The following NEB variants were observed in gnomAD, a reference collection of about 807,000 sequenced individuals.
The protein encoded by NEB is nebulin, also known as nemaline myopathy type 2.
NEB carries 512 observed loss-of-function variants against 952.2 expected under a neutral mutation model. The ratio of observed to expected loss-of-function variants is 0.54; its 90% CI spans 0.50 to 0.58. NEB has a LOEUF of 0.58. Ranked by LOEUF, NEB falls within the 20% of genes least tolerant of loss-of-function variation. The pLI, the probability that NEB is intolerant of heterozygous loss-of-function variation, is 0.00. For synonymous variants in NEB, 2,900 were observed against 3,149.8 expected, an observed-to-expected ratio of 0.92 and a Z score of 2.66; for missense variants, 8,428 against 9,231.1, an observed-to-expected ratio of 0.91 and a Z score of 3.56.
chr2:151,706,389 C>T (rs908905894), intron 13 of NEB, among the ~76,000 whole-genome samples: 6 of 152,168 alleles, frequency 3.9e-5, no homozygotes, highest in African/African-American at 1.2e-4. Flanking sequence ...AGCCCAGTCT[C>T]GTTTGCCTAA....
chr2:151,509,005 T>C (rs2071676924), intron 161 of NEB, among the ~76,000 whole-genome samples: 1 of 152,234 alleles, frequency 6.6e-6, no homozygotes, highest in African/African-American at 2.4e-5. Context: ...TTTTTCCCAC[T>C]CTTCAGGGAA....
At chr2:151,665,280 T>C in intron 42 of NEB, 53 bp downstream of exon 42, 2 of 1,537,490 alleles carry the variant, frequency 1.3e-6, no homozygotes, top group Non-Finnish European at 1.8e-6. Context: ...CCAGGCTCAA[T>C]GTCATGAACA....
rs1559476748 is a variant in NEB at position 151,519,041 on chromosome 2, A to G, written c.22619T>C (p.Leu7540Pro). The G allele has an allele frequency of 6.2e-7, 1 of 1,613,430 alleles. No individual in the cohort carries two copies. ...CTTCATGTCAGTCACGGGTTTGTGA[A>G]GTTTCTTCAGGTCAGCCTTGTATTT... ...EVKYKADLKK[L>P]HKPVTDMKES... Residue 7540 changes from leucine (L) to proline (P), a missense_variant, in exon 155 of 182, where the codon CTT becomes CCT. Around this residue, in one of 11 missense-constraint regions of NEB, gnomAD observed 3,374 missense variants for 3,651.5 expected, o/e 0.92. Coordinates refer to ENST00000397345, the MANE Select transcript of NEB (RefSeq NM_001164508.2).
Position 151,502,881 on chromosome 2 carries a change from A to C in NEB, c.23840T>G (p.Leu7947Trp), listed in dbSNP as rs200559481. 5.0e-5 allele frequency: 79 copies of C among 1,581,982 alleles called. No individual in the cohort carries two copies. Among genetic ancestry groups the C allele is most frequent in the Middle Eastern group, 1.7e-4 (1 of 5,994 alleles). Residue 7947 changes from leucine to tryptophan, a missense_variant, in exon 167 of 182, where the codon TTG becomes TGG. Around this residue, in one of 11 missense-constraint regions of NEB, gnomAD observed 3,374 missense variants for 3,651.5 expected, o/e 0.92. Coordinates refer to ENST00000397345, the MANE Select transcript of NEB (RefSeq NM_001164508.2). Reference protein sequence around the residue: ...KRNQENFSSVLYKENLGKGIP... With the variant: ...KRNQENFSSVWYKENLGKGIP... Reference sequence around the variant, plus strand: ...TCCTTTCCCCAAATTTTCTTTGTACAAAACCTGTGAGATACAAGAAAGTAC... The same window carrying C: ...TCCTTTCCCCAAATTTTCTTTGTACCAAACCTGTGAGATACAAGAAAGTAC...
At chr2:151,503,608 C>T (rs1308004510) in intron 165 of NEB, among the ~76,000 whole-genome samples, 167 bp from the exon 166 acceptor site, 1 of 101,050 alleles carries the variant, frequency 9.9e-6, no homozygotes, top group Non-Finnish European at 2.2e-5. Context: ...GTTGTCTTTT[C>T]CAAAATAGTA....
Position 151,531,064 on chromosome 2 carries a change from C to T in NEB, c.21560G>A (p.Arg7187Lys). 1.2e-6 allele frequency: 2 copies of T among 1,613,432 alleles called. No homozygotes were observed. Among genetic ancestry groups the T allele is most frequent in the Non-Finnish European group, 1.7e-6 (2 of 1,179,644 alleles). ...TGTGTCGTGGATTGTGGTGTAGCCT[C>T]TGGGTTTGGCCTTGTTGTATTCCAA... The part of the protein sequence containing the change: ...YKLEYNKAKP[R>K]GYTTIHDTPM... The change falls in exon 145 of 182, where the codon AGA (arginine) becomes AAA (lysine). Residue 7187 changes from arginine (R) to lysine (K), a missense_variant. This residue lies in a region of NEB where 3,374 missense variants were observed against 3,651.5 expected (regional missense o/e 0.92). Coordinates refer to ENST00000397345, the MANE Select transcript of NEB (RefSeq NM_001164508.2).
chr2:151,558,066 A>G (rs190160163), intron 124 of NEB, among the ~76,000 whole-genome samples: 4 of 152,334 alleles, frequency 2.6e-5, no homozygotes, highest in Admixed American at 2.6e-4. Flanking sequence ...TTAGGAAAAG[A>G]GGAAGTCAAA....
chr2:151,687,010 A>T (rs2148928110), intron 27 of NEB, among the ~76,000 whole-genome samples: 1 of 152,284 alleles, frequency 6.6e-6, no homozygotes, highest in South Asian at 2.1e-4. Flanking sequence ...TACTAAAGTC[A>T]ATGAAGAACG....
chr2:151,531,296 CTTTTTTTCTTTCTT>C (rs1344129225), intron 144 of NEB, among the ~76,000 whole-genome samples, 195 bp from the exon 145 acceptor site: 9 of 141,922 alleles, frequency 6.3e-5, no homozygotes, highest in Non-Finnish European at 1.1e-4. Flanking sequence ...CAACAACTCT[CTTTTTTTCTTTCTT>C]TTTTTTTTTT....
chr2:151,565,758 C>G lies in NEB; in HGVS notation c.18219G>C (p.Val6073=). Reference sequence around the variant, plus strand: ...GGTTCTTAGTAACCCTTACATGGTCCACAGAATCCAGTGGGATCCAGCCAA... The same window carrying G: ...GGTTCTTAGTAACCCTTACATGGTCGACAGAATCCAGTGGGATCCAGCCAA... ...RGIGWIPLDS[V]DHVRVTKNQE... is the part of the protein sequence containing the mutation. The change falls in exon 115 of 182, where the codon GTG becomes GTC. Residue 6073 remains valine, a synonymous_variant. Coordinates refer to ENST00000397345, the MANE Select transcript of NEB (RefSeq NM_001164508.2). The G allele has an allele frequency of 6.2e-7, 1 of 1,612,548 alleles. No homozygotes were observed. Among genetic ancestry groups the G allele is most frequent in the Non-Finnish European group, 8.5e-7 (1 of 1,179,322 alleles).
chr2:151,488,176 C>A (rs2052682037), intron 181 of NEB, among the ~76,000 whole-genome samples: 1 of 151,922 alleles, frequency 6.6e-6, no homozygotes, highest in South Asian at 2.1e-4. Context: ...TTTTAGAGTT[C>A]TTTATTCTTT....
Position 151,616,000 on chromosome 2 carries a change from A to C in NEB, c.11289+2T>G. On this transcript the variant is annotated splice_donor_variant, in intron 76 of 181. Transcript: ENST00000397345. LOFTEE classifies it high-confidence loss of function. ...AATGGCTTTTCCAAAACATCCACTT[A>C]CATCACTAGCAATATCTCTTGAAGC... 1 of 1,604,494 alleles carries C rather than the reference A, an allele frequency of 6.2e-7. No individual in the cohort carries two copies. Among genetic ancestry groups the C allele is most frequent in the East Asian group, 2.2e-5 (1 of 44,690 alleles).
At chr2:151,648,919 C>T (rs922105639) in intron 54 of NEB, among the ~76,000 whole-genome samples, 6 of 152,220 alleles carry the variant, frequency 3.9e-5, no homozygotes, top group East Asian at 1.9e-4. Context: ...CCAGCTGGCC[C>T]GGGTTTTGTG....
chr2:151,492,399 C>T lies in NEB; in HGVS notation c.24861G>A (p.Arg8287=). ...PEMRRVRETQ[R]HISTVKYHED... ...ATTCCTGACTCACCGTTGAGATGTG[C>T]CGTTGGGTCTCCCTCACCCGTCTCA... Residue 8287 remains arginine (R), a synonymous_variant, in exon 177 of 182, where the codon CGG becomes CGA. Coordinates refer to ENST00000397345, the MANE Select transcript of NEB (RefSeq NM_001164508.2). The T allele has an allele frequency of 6.2e-7, 1 of 1,604,272 alleles. No homozygotes were observed. Among genetic ancestry groups the T allele is most frequent in the Middle Eastern group, 1.7e-4 (1 of 5,970 alleles).
At chr2:151,636,883 C>T (rs2098772403) in intron 63 of NEB, among the ~76,000 whole-genome samples, 1 of 151,832 alleles carries the variant, frequency 6.6e-6, no homozygotes, top group Non-Finnish European at 1.5e-5. Flanking sequence ...ATACATATTA[C>T]AGGTTGTTTT....
At position 151,497,652 on chromosome 2, in the gene NEB, T is replaced by C; in HGVS notation, c.24274A>G (p.Lys8092Glu). 1.3e-6 allele frequency: 2 copies of C among 1,582,732 alleles called. No homozygotes were observed. Among genetic ancestry groups the C allele is most frequent in the Non-Finnish European group, 1.7e-6 (2 of 1,161,918 alleles). ...GAGCTAATATTTTCTTGATTGTGTT[T>C]GACTCTTTCCATCTCGGGAGTGACA... ...LPVTPEMERV[K>E]HNQENISSVL... is the part of the protein sequence containing the mutation. The change falls in exon 171 of 182, where the codon AAA becomes GAA. Residue 8092 changes from lysine to glutamate, a missense_variant. Physicochemically the swap from Lys to Glu is moderately conservative, Grantham distance 56. Transcript: ENST00000397345.
chr2:151,504,645 G>T (rs568043024), intron 165 of NEB, among the ~76,000 whole-genome samples: 30 of 152,244 alleles, frequency 2.0e-4, no homozygotes, highest in Middle Eastern at 3.4e-3. Flanking sequence ...CAAGACCAAG[G>T]TCCTCCCCTT....
intron 178 of NEB, 25 bp from the exon 179 acceptor site, chr2:151,491,800 AC>A: frequency 6.5e-7 from 1 of 1,534,970 alleles, no homozygotes; most frequent in African/African-American, 1.4e-5. Flanking sequence ...AGTGATCAGA[AC>A]AAGTGTTCTT....
chr2:151,534,148 G>T, intron 142 of NEB: 2 of 1,137,186 alleles, frequency 1.8e-6, no homozygotes, highest in Non-Finnish European at 1.3e-6. Context: ...CAGCAGACGG[G>T]ATGACATCTC....
Sources: allele counts gnomAD v4.1 joint callset (sites outside exome capture counted in the v4.1 genomes callset), GRCh38; gene constraint gnomAD v4.1.1; regional missense constraint gnomAD v4.1.1; transcripts MANE v1.5; gene names NCBI Gene and HGNC (gene_info 2026-07-23, HGNC 2026-07-21).